Variants in GUCY1A2 observed in about 807,000 individuals in gnomAD.
GUCY1A2 encodes the protein guanylate cyclase soluble subunit alpha-2.
A neutral mutation model predicts 63.5 loss-of-function variants in GUCY1A2; 27 were observed. That is an observed-to-expected ratio of 0.43 (90% CI 0.31 to 0.59). The LOEUF (loss-of-function observed/expected upper bound fraction) is 0.59. GUCY1A2 is among the 20% of genes least tolerant of loss of function. The probability of loss-of-function intolerance (pLI) is 0.11; values close to 1 mark genes in which losing one functional copy is unlikely to be tolerated. For synonymous variants in GUCY1A2, 364 were observed against 343.5 expected (o/e 1.06, Z -0.66); for missense variants, 768 against 913.3 (o/e 0.84, Z 2.05).
intron 4 of GUCY1A2, among the ~76,000 whole-genome samples, chr11:106,856,051 A>C (rs534728823): frequency 9.4e-4 from 143 of 151,606 alleles, no homozygotes; most frequent in African/African-American, 3.0e-3. Flanking sequence ...TCAGCCTCCC[A>C]AGTAGCTGGG....
rs528233128 is a variant in GUCY1A2 at position 106,816,323 on chromosome 11, C to T, written c.1207-5845G>A. ...ATACTAGAAGTCAATAACTGAAAGA[C>T]AACAGAAAAATCCCTAACAATGTGA... On this transcript the variant is annotated intron_variant, in intron 4 of 7. Transcript: ENST00000526355. Among the ~76,000 whole-genome samples the T allele has an allele frequency of 2.0e-5, 3 of 151,580 alleles. No homozygotes were observed. In the South Asian group the frequency reaches 6.2e-4, roughly 32 times the overall value.
intron 6 of GUCY1A2, among the ~76,000 whole-genome samples, chr11:106,752,201 TAAAC>T (rs1863892966): frequency 2.0e-5 from 3 of 151,892 alleles, no homozygotes; most frequent in Admixed American, 1.3e-4. Flanking sequence ...AATAAGAAAA[TAAAC>T]AAAATATAAA....
At chr11:106,888,835 GC>G (rs1859936602) in intron 4 of GUCY1A2, among the ~76,000 whole-genome samples, 1 of 151,936 alleles carries the variant, frequency 6.6e-6, no homozygotes, top group South Asian at 2.1e-4. Flanking sequence ...TCCTACTTTG[GC>G]CCATTCTCTA....
intron 5 of GUCY1A2, among the ~76,000 whole-genome samples, chr11:106,780,264 A>C (rs1228629116): frequency 6.6e-6 from 1 of 152,200 alleles, no homozygotes; most frequent in African/African-American, 2.4e-5. Flanking sequence ...AGACATCAAA[A>C]AAACAGTGAC....
rs1565257202 is a variant in GUCY1A2 at position 106,685,335 on chromosome 11, G to A, written c.*2214C>T. The stretch of plus-strand genomic sequence containing the variant: ...CTCCAGGCCTATCACTAGTATTGAG[G>A]TGGATTTCCAATGATGCTTTTCAAA... On this transcript the variant is annotated 3_prime_UTR_variant, in exon 8 of 8. Transcript: ENST00000526355. 4.8e-6 allele frequency: 1 copy of A among 210,516 alleles called. No individual in the cohort carries two copies. Among genetic ancestry groups the A allele is most frequent in the Non-Finnish European group, 9.6e-6 (1 of 103,904 alleles). 13.0% of individuals were successfully genotyped at this position (210,516 alleles called of 1,614,324 possible).
chr11:106,847,629 C>A (rs1305060185), intron 4 of GUCY1A2, among the ~76,000 whole-genome samples: 1 of 151,376 alleles, frequency 6.6e-6, no homozygotes, highest in Non-Finnish European at 1.5e-5. Context: ...ATTACATATG[C>A]CTTAGTAAAT....
At position 106,704,544 on chromosome 11, in the gene GUCY1A2, G is replaced by T. The variant is rs574901405; in HGVS notation, c.1991+3968C>A. 6.6e-5 allele frequency among the ~76,000 whole-genome samples: 10 copies of T among 152,286 alleles called. 1 individual carries two copies. Among genetic ancestry groups the T allele is most frequent in the African/African-American group, 2.4e-4 (10 of 41,556 alleles). On this transcript the variant is annotated intron_variant, in intron 7 of 7. Coordinates refer to ENST00000526355, the MANE Select transcript of GUCY1A2 (RefSeq NM_000855.3). ...GTAGCAGTGGTTAGGAAGAAGCTTG[G>T]TTTTAACAGAAAGAAGCCTTTCACA...
intron 4 of GUCY1A2, among the ~76,000 whole-genome samples, chr11:106,874,874 T>C (rs1859728795): frequency 6.6e-6 from 1 of 152,194 alleles, no homozygotes; most frequent in Non-Finnish European, 1.5e-5. Flanking sequence ...GACTGATTCC[T>C]ATCATTTACT....
At chr11:106,851,956 A>ATTCTTCCAAT (rs1859361631) in intron 4 of GUCY1A2, among the ~76,000 whole-genome samples, 1 of 152,012 alleles carries the variant, frequency 6.6e-6, no homozygotes, top group Non-Finnish European at 1.5e-5. Context: ...GGCCATTTTA[A>ATTCTTCCAAT]CATTATTAAT....
At chr11:106,717,447 G>A (rs117758799) in intron 6 of GUCY1A2, among the ~76,000 whole-genome samples, 4,438 of 152,242 alleles carry the variant, frequency 0.029, 104 homozygotes, top group South Asian at 0.07. Flanking sequence ...GATTTATTCT[G>A]GAATGTGCAA....
At chr11:106,863,183 C>T (rs1332389770) in intron 4 of GUCY1A2, among the ~76,000 whole-genome samples, 1 of 152,102 alleles carries the variant, frequency 6.6e-6, no homozygotes, top group East Asian at 1.9e-4. Flanking sequence ...GTTGCCATTG[C>T]TTTTGGTGTT....
At chr11:106,888,988 T>C (rs946469939) in intron 4 of GUCY1A2, among the ~76,000 whole-genome samples, 3 of 152,076 alleles carry the variant, frequency 2.0e-5, no homozygotes, top group African/African-American at 7.2e-5. Context: ...GTTAATCCGG[T>C]ATTCTCTATT....
rs1286131607 is a variant in GUCY1A2 at position 107,014,785 on chromosome 11, T to C, written c.303+2968A>G. On this transcript the variant is annotated intron_variant, in intron 1 of 7. Coordinates refer to ENST00000526355, the MANE Select transcript of GUCY1A2 (RefSeq NM_000855.3). Reference sequence around the variant, plus strand: ...ACAACTGACAAAACAGGAGCTTCCATGGCAAGTACAGTTTCTCCTGAAGTA... The same window carrying C: ...ACAACTGACAAAACAGGAGCTTCCACGGCAAGTACAGTTTCTCCTGAAGTA... 4.6e-5 allele frequency among the ~76,000 whole-genome samples: 7 copies of C among 152,294 alleles called. No individual in the cohort carries two copies. The South Asian group carries it at 8.3e-4, about 18-fold the overall frequency.
chr11:106,864,152 C>A (rs1044831226), intron 4 of GUCY1A2, among the ~76,000 whole-genome samples: 59 of 151,810 alleles, frequency 3.9e-4, no homozygotes, highest in Non-Finnish European at 6.2e-4. Context: ...CACCATGGCA[C>A]GTGTATACCT....
intron 7 of GUCY1A2, among the ~76,000 whole-genome samples, chr11:106,696,763 T>A (rs1275466141): frequency 6.6e-6 from 1 of 152,176 alleles, no homozygotes; most frequent in Non-Finnish European, 1.5e-5. Context: ...ATGAACAATG[T>A]TTTATAGAAA....
chr11:106,756,842 G>A (rs192060078), intron 6 of GUCY1A2, among the ~76,000 whole-genome samples: 24 of 152,128 alleles, frequency 1.6e-4, no homozygotes, highest in Admixed American at 1.3e-4. Flanking sequence ...TGCTCTTCTC[G>A]AGGAATATCT....
intron 4 of GUCY1A2, among the ~76,000 whole-genome samples, chr11:106,917,146 A>T (rs1860379884): frequency 6.9e-6 from 1 of 145,760 alleles, no homozygotes; most frequent in African/African-American, 2.4e-5. Context: ...GGCTACTTCT[A>T]TTTCACATAG....
intron 3 of GUCY1A2, among the ~76,000 whole-genome samples, chr11:106,948,340 T>A (rs1860858457): frequency 6.6e-6 from 1 of 152,264 alleles, no homozygotes; most frequent in African/African-American, 2.4e-5. Flanking sequence ...TAAATCATCA[T>A]GACCAAGTAG....
At chr11:106,795,604 T>A (rs1350580261) in intron 5 of GUCY1A2, among the ~76,000 whole-genome samples, 1 of 150,978 alleles carries the variant, frequency 6.6e-6, no homozygotes, top group Non-Finnish European at 1.5e-5. Context: ...CACAGCGATT[T>A]TGTTTCAACT....
Sources: allele counts gnomAD v4.1 joint callset (sites outside exome capture counted in the v4.1 genomes callset), GRCh38; gene constraint gnomAD v4.1.1; transcripts MANE v1.5; gene names NCBI Gene and HGNC (gene_info 2026-07-23, HGNC 2026-07-21).